GRID2: variants seen among roughly 807,000 people sequenced by gnomAD.
GRID2 encodes the protein glutamate receptor ionotropic, delta-2.
GRID2 carries 33 observed loss-of-function variants against 114.8 expected under a neutral mutation model. That is an observed-to-expected ratio of 0.29 (90% CI 0.22 to 0.38). The LOEUF (loss-of-function observed/expected upper bound fraction) is 0.38, where lower values mean the gene tolerates loss of function less well. Ranked by LOEUF, GRID2 falls within the 10% of genes least tolerant of loss-of-function variation. The pLI is 1.00. For missense variants in GRID2, 1,184 were observed against 1,257.7 expected (o/e 0.94, Z 0.89); for synonymous variants, 505 against 449.9 (o/e 1.12, Z -1.55).
At chr4:92,415,435 C>G (rs977545107) in intron 1 of GRID2, among the ~76,000 whole-genome samples, 5 of 151,848 alleles carry the variant, frequency 3.3e-5, no homozygotes, top group Admixed American at 2.0e-4. Flanking sequence ...GCAGTGTACA[C>G]TGTACCTGTG....
intron 1 of GRID2, among the ~76,000 whole-genome samples, chr4:92,537,077 A>G (rs533115942): frequency 2.0e-5 from 3 of 152,304 alleles, no homozygotes; most frequent in African/African-American, 4.8e-5. Flanking sequence ...GCATGAATTT[A>G]CACTCCTCCT....
chr4:92,741,704 C>G (rs969199455), intron 2 of GRID2, among the ~76,000 whole-genome samples: 1 of 152,142 alleles, frequency 6.6e-6, no homozygotes, highest in Non-Finnish European at 1.5e-5. Flanking sequence ...TCTGTCCGTT[C>G]AAATGTTTTC....
At chr4:93,697,869 G>GTATATATATATATATATATATATATA (rs749542291) in intron 14 of GRID2, among the ~76,000 whole-genome samples, 1,312 of 122,468 alleles carry the variant, frequency 0.011, 43 homozygotes, top group African/African-American at 0.02. Context: ...CACAATGTGT[G>GTATATATATATATATATATATATATA]TATATATATA....
intron 13 of GRID2, among the ~76,000 whole-genome samples, chr4:93,559,917 A>T (rs1393913538): frequency 6.6e-6 from 1 of 152,164 alleles, no homozygotes; most frequent in African/African-American, 2.4e-5. Flanking sequence ...GGATGAGTTC[A>T]TATCTTTGCA....
chr4:93,416,910 CACAG>C (rs1253794382), intron 9 of GRID2, among the ~76,000 whole-genome samples: 1 of 152,010 alleles, frequency 6.6e-6, no homozygotes, highest in African/African-American at 2.4e-5. Context: ...ATTGATAAAC[CACAG>C]ACATTCTCTG....
At chr4:93,141,010 T>C (rs1735723877) in intron 4 of GRID2, among the ~76,000 whole-genome samples, 1 of 152,176 alleles carries the variant, frequency 6.6e-6, no homozygotes, top group Middle Eastern at 3.2e-3. Context: ...GTCTGCCTTC[T>C]TTATCTACAA....
At chr4:92,684,847 T>C (rs1275349361) in intron 2 of GRID2, among the ~76,000 whole-genome samples, 2 of 152,096 alleles carry the variant, frequency 1.3e-5, no homozygotes, top group African/African-American at 2.4e-5. Context: ...AAGCATTTTA[T>C]ATTTTTAATA....
chr4:92,999,823 T>A lies in GRID2; in HGVS notation c.245-85172T>A, dbSNP rs182466208. Among the ~76,000 whole-genome samples the A allele has an allele frequency of 1.4e-3, 218 of 151,760 alleles. 1 individual carries two copies. Among genetic ancestry groups the A allele is most frequent in the African/African-American group, 5.2e-3 (215 of 41,516 alleles). On this transcript the variant is annotated intron_variant, in intron 2 of 15. Transcript: ENST00000282020. The stretch of plus-strand genomic sequence containing the variant: ...GCTGATACATGCTGTCGAATTGCTC[T>A]CCAAAAAGATTTTACTAGTTTATAT...
intron 1 of GRID2, among the ~76,000 whole-genome samples, chr4:92,566,427 A>G (rs2149187417): frequency 6.6e-6 from 1 of 152,082 alleles, no homozygotes; most frequent in South Asian, 2.1e-4. Context: ...AGCATATCCA[A>G]TGAACACAGT....
intron 2 of GRID2, among the ~76,000 whole-genome samples, chr4:92,684,574 A>G (rs1437355426): frequency 1.3e-5 from 2 of 152,042 alleles, no homozygotes; most frequent in African/African-American, 2.4e-5. Context: ...ATCAAATTGT[A>G]TTACAAACAG....
chr4:92,884,603 C>G (rs77952325), intron 2 of GRID2: 1 of 158,370 alleles, frequency 6.3e-6, no homozygotes, highest in Non-Finnish European at 1.4e-5. Flanking sequence ...TTAGAGGCCA[C>G]GGCAGGACTT....
chr4:93,328,223 G>A (rs933671622), intron 8 of GRID2, among the ~76,000 whole-genome samples: 10 of 152,032 alleles, frequency 6.6e-5, no homozygotes, highest in Non-Finnish European at 1.2e-4. Context: ...AACCTCCAAT[G>A]TCTTTCCACC....
intron 3 of GRID2, among the ~76,000 whole-genome samples, chr4:93,086,405 T>C (rs1479554054): frequency 2.6e-5 from 4 of 152,134 alleles, no homozygotes; most frequent in Non-Finnish European, 5.9e-5. Flanking sequence ...GTGCCATCAA[T>C]AGAATTGAGA....
At chr4:92,476,189 C>T (rs1036224726) in intron 1 of GRID2, among the ~76,000 whole-genome samples, 1 of 151,920 alleles carries the variant, frequency 6.6e-6, no homozygotes, top group Non-Finnish European at 1.5e-5. Flanking sequence ...CCATGCCCGG[C>T]TAACTTTTTG....
intron 8 of GRID2, among the ~76,000 whole-genome samples, chr4:93,355,855 A>G (rs116570111): frequency 0.014 from 2,065 of 152,162 alleles, 23 homozygotes; most frequent in Middle Eastern, 0.051. Context: ...ATGCTACCAC[A>G]GAATGCAAGA....
intron 4 of GRID2, among the ~76,000 whole-genome samples, chr4:93,139,787 T>G (rs1735594609): frequency 6.6e-6 from 1 of 151,826 alleles, no homozygotes; most frequent in African/African-American, 2.4e-5. Context: ...CACACATAGC[T>G]GTAAATTATT....
At chr4:93,596,118 G>GCCTA (rs1739058514) in intron 13 of GRID2, among the ~76,000 whole-genome samples, 1 of 152,126 alleles carries the variant, frequency 6.6e-6, no homozygotes, top group Admixed American at 6.5e-5. Context: ...ATTGCCTTGT[G>GCCTA]TTTATTATCT....
At chr4:93,238,515 A>T (rs1561026933) in intron 8 of GRID2, 25 bp downstream of exon 8, 1 of 1,596,666 alleles carries the variant, frequency 6.3e-7, no homozygotes, top group Non-Finnish European at 8.6e-7. Context: ...ACTGATTAAT[A>T]CGCTTTTTCC....
chr4:92,397,556 A>G (rs1730560924), intron 1 of GRID2, among the ~76,000 whole-genome samples: 1 of 152,164 alleles, frequency 6.6e-6, no homozygotes, highest in Admixed American at 6.6e-5. Context: ...GTCACCCAAC[A>G]TATGGAATAA....
Sources: allele counts gnomAD v4.1 joint callset (sites outside exome capture counted in the v4.1 genomes callset), GRCh38; gene constraint gnomAD v4.1.1; transcripts MANE v1.5; gene names NCBI Gene and HGNC (gene_info 2026-07-23, HGNC 2026-07-21).